LRP1B: variants seen among roughly 807,000 people sequenced by gnomAD.
LRP1B encodes low-density lipoprotein receptor-related protein 1B.
In LRP1B, 217 loss-of-function variants were observed where a neutral mutation model predicts 556.6. That is an observed-to-expected ratio of 0.39 (90% confidence interval 0.35 to 0.44). The LOEUF (loss-of-function observed/expected upper bound fraction) is 0.44, where lower values mean the gene tolerates loss of function less well. LRP1B is among the 20% of genes least tolerant of loss of function. The pLI, the probability that LRP1B is intolerant of heterozygous loss-of-function variation, is 1.00. For synonymous variants in LRP1B, 2,047 were observed against 1,865.8 expected, an observed-to-expected ratio of 1.10 and a Z score of -2.50; for missense variants, 5,053 against 5,620.8, an observed-to-expected ratio of 0.90 and a Z score of 3.23.
At chr2:140,363,971 G>T (rs1682637162) in intron 72 of LRP1B, among the ~76,000 whole-genome samples, 1 of 151,522 alleles carries the variant, frequency 6.6e-6, no homozygotes. Flanking sequence ...TGATAACAGG[G>T]ACCAAAAATG....
At chr2:141,388,302 G>T (rs770180048) in intron 3 of LRP1B, among the ~76,000 whole-genome samples, 6 of 152,110 alleles carry the variant, frequency 3.9e-5, no homozygotes, top group Non-Finnish European at 8.8e-5. Context: ...TGGGTATGGT[G>T]GTGGGTGCCT....
In LRP1B at chr2:140,457,586, C is replaced by T. The variant is rs775616186; in HGVS notation, c.9691G>A (p.Asp3231Asn). The T allele has an allele frequency of 6.2e-7, 1 of 1,613,852 alleles. No homozygotes were observed. The highest frequency in any genetic ancestry group is 8.5e-7 in the Non-Finnish European group (1 of 1,179,784). Residue 3231 changes from aspartate to asparagine, a missense_variant, in exon 61 of 91, where the codon GAT (aspartate) becomes AAT (asparagine). By Grantham distance (23) the Asp-to-Asn change is conservative (BLOSUM62 1). Transcript: ENST00000389484. ...CGGCTGAGTGACTTGGTTTTCCCAT[C>T]AGTCCAGTAGATGTAGTCTTCAAAC... ...TLFEDYIYWT[D>N]GKTKSLSRAH...
At chr2:140,481,322 CA>C (rs1558911835) in intron 59 of LRP1B, among the ~76,000 whole-genome samples, 2 of 152,066 alleles carry the variant, frequency 1.3e-5, no homozygotes, top group Non-Finnish European at 2.9e-5. Flanking sequence ...GAAACTCTGA[CA>C]TGATGTAATA....
At chr2:141,806,117 G>A (rs912423495) in intron 2 of LRP1B, among the ~76,000 whole-genome samples, 3 of 151,994 alleles carry the variant, frequency 2.0e-5, no homozygotes, top group Non-Finnish European at 4.4e-5. Context: ...ACATCAGCTG[G>A]AGCCAAGTGT....
chr2:140,252,062 C>CAAAAAAAAAAAAAAAAA, intron 86 of LRP1B, among the ~76,000 whole-genome samples: 6 of 18,558 alleles, frequency 3.2e-4, no homozygotes, highest in East Asian at 5.6e-3. Context: ...TGACAAGATG[C>CAAAAAAAAAAAAAAAAA]AAAAAAAAAA....
chr2:141,235,097 T>C (rs1464811600), intron 5 of LRP1B, among the ~76,000 whole-genome samples: 1 of 152,076 alleles, frequency 6.6e-6, no homozygotes, highest in Non-Finnish European at 1.5e-5. Context: ...ATAGAAATAA[T>C]ATATAAATCA....
At chr2:141,487,047 T>C (rs1352437822) in intron 2 of LRP1B, among the ~76,000 whole-genome samples, 1 of 152,166 alleles carries the variant, frequency 6.6e-6, no homozygotes, top group African/African-American at 2.4e-5. Context: ...CACACCATTA[T>C]TTTTGTTATT....
chr2:141,465,120 A>G (rs956330071), intron 3 of LRP1B, among the ~76,000 whole-genome samples: 1 of 152,202 alleles, frequency 6.6e-6, no homozygotes, highest in South Asian at 2.1e-4. Flanking sequence ...AAGAAAGTAT[A>G]CACATTGACA....
chr2:141,482,506 A>G lies in LRP1B; in HGVS notation c.206-1973T>C, dbSNP rs376953121. On this transcript the variant is annotated intron_variant, in intron 2 of 90. Coordinates refer to ENST00000389484, the MANE Select transcript of LRP1B (RefSeq NM_018557.3). ...AATATATCTTTATTTCCATATATAT[A>G]TGTGTGTGTGCATATATATTAATAA... Among the ~76,000 whole-genome samples the G allele has an allele frequency of 1.0e-3, 157 of 152,098 alleles. 2 individuals are homozygous for G. Among genetic ancestry groups the G allele is most frequent in the South Asian group, 7.9e-3 (38 of 4,820 alleles).
At chr2:140,703,159 A>G (rs778910560) in intron 37 of LRP1B, among the ~76,000 whole-genome samples, 8 of 152,150 alleles carry the variant, frequency 5.3e-5, no homozygotes, top group Non-Finnish European at 5.9e-5. Flanking sequence ...TTAGACTGCT[A>G]AATGTAACTA....
chr2:140,963,431 G>C (rs1287447968), intron 18 of LRP1B, among the ~76,000 whole-genome samples: 4 of 147,476 alleles, frequency 2.7e-5, no homozygotes, highest in Middle Eastern at 3.4e-3. Context: ...GTGTGTGCAT[G>C]TACATGCATA....
chr2:141,173,806 A>G (rs959441510), intron 7 of LRP1B, among the ~76,000 whole-genome samples: 1 of 152,062 alleles, frequency 6.6e-6, no homozygotes, highest in East Asian at 1.9e-4. Flanking sequence ...ATCAATCTTG[A>G]CTGCAATTAA....
chr2:140,440,226 T>C (rs1310741102), intron 66 of LRP1B, among the ~76,000 whole-genome samples: 3 of 152,042 alleles, frequency 2.0e-5, no homozygotes, highest in Admixed American at 6.6e-5. Flanking sequence ...TTAAGAAAAG[T>C]ATGGACACAA....
intron 3 of LRP1B, among the ~76,000 whole-genome samples, chr2:141,474,599 T>C (rs1169396327): frequency 6.6e-6 from 1 of 152,192 alleles, no homozygotes; most frequent in Non-Finnish European, 1.5e-5. Context: ...ATTTTCCAAC[T>C]GGAAAGTAAA....
At chr2:141,459,364 T>C (rs1681767236) in intron 3 of LRP1B, among the ~76,000 whole-genome samples, 1 of 152,176 alleles carries the variant, frequency 6.6e-6, no homozygotes, top group African/African-American at 2.4e-5. Flanking sequence ...TGTGTAGCTA[T>C]GCTTCCTCAC....
chr2:141,435,667 G>T (rs896917504), intron 3 of LRP1B, among the ~76,000 whole-genome samples: 1 of 152,154 alleles, frequency 6.6e-6, no homozygotes, highest in African/African-American at 2.4e-5. Context: ...ATACAGGGTG[G>T]GTAGCTTACC....
At chr2:141,718,705 C>T (rs986670518) in intron 2 of LRP1B, among the ~76,000 whole-genome samples, 2 of 152,040 alleles carry the variant, frequency 1.3e-5, no homozygotes, top group African/African-American at 4.8e-5. Flanking sequence ...AAGAACATCC[C>T]GTTAAGCATT....
chr2:141,320,321 C>T (rs914100895), intron 3 of LRP1B, among the ~76,000 whole-genome samples: 36 of 151,944 alleles, frequency 2.4e-4, no homozygotes, highest in Admixed American at 2.2e-3. Flanking sequence ...TTCATGAGTG[C>T]GCAGTAAGGA....
chr2:140,381,175 G>A (rs768212699), intron 67 of LRP1B, among the ~76,000 whole-genome samples: 3 of 151,644 alleles, frequency 2.0e-5, no homozygotes, highest in South Asian at 2.1e-4. Flanking sequence ...TAGTTACCAC[G>A]GAAAGCCCTA....
Sources: allele counts gnomAD v4.1 joint callset (sites outside exome capture counted in the v4.1 genomes callset), GRCh38; gene constraint gnomAD v4.1.1; transcripts MANE v1.5; gene names NCBI Gene and HGNC (gene_info 2026-07-23, HGNC 2026-07-21).